SLC15A1: variants seen among roughly 807,000 people sequenced by gnomAD.
SLC15A1 encodes the protein solute carrier family 15 member 1.
In SLC15A1, 83 loss-of-function variants were observed where a neutral mutation model predicts 92.9. The observed-to-expected ratio is 0.89, with a 90% CI of 0.75 to 1.07. SLC15A1 has a LOEUF of 1.07. SLC15A1 is among the 50% of genes least tolerant of loss of function. The pLI is 0.00. For synonymous variants in SLC15A1, 322 were observed against 318.2 expected (o/e 1.01, Z -0.13); for missense variants, 857 against 880.1 (o/e 0.97, Z 0.33).
chr13:98,711,452 A>C (rs559910551), intron 11 of SLC15A1, among the ~76,000 whole-genome samples: 98 of 152,304 alleles, frequency 6.4e-4, no homozygotes, highest in Non-Finnish European at 1.0e-3. Context: ...ACAGTGGAAG[A>C]GATCAAGTCC....
chr13:98,684,932 G>A lies in SLC15A1; in HGVS notation c.1936-17C>T. The A allele has an allele frequency of 6.3e-7, 1 of 1,599,822 alleles. No homozygotes were observed. Among genetic ancestry groups the A allele is most frequent in the South Asian group, 1.1e-5 (1 of 89,638 alleles). On this transcript the variant is annotated splice_polypyrimidine_tract_variant and intron_variant, in intron 22 of 22. Coordinates refer to ENST00000376503, the MANE Select transcript of SLC15A1 (RefSeq NM_005073.4). ...CTCGGCCCACTTTGAAGAAATCAGAGTTGGAGCAGGAAAAAGAACAAAAAT... is the reference window on the plus strand; with the variant it reads ...CTCGGCCCACTTTGAAGAAATCAGAATTGGAGCAGGAAAAAGAACAAAAAT...
chr13:98,690,310 G>A (rs904558441), intron 18 of SLC15A1, among the ~76,000 whole-genome samples: 1 of 152,158 alleles, frequency 6.6e-6, no homozygotes, highest in Non-Finnish European at 1.5e-5. Context: ...GAAGTCCCGA[G>A]GCCTTCTACT....
chr13:98,726,053 C>G (rs1216444627), intron 4 of SLC15A1, 70 bp downstream of exon 4: 156 of 1,563,730 alleles, frequency 1.0e-4, no homozygotes, highest in Non-Finnish European at 1.3e-4. Flanking sequence ...CCAGATTCCA[C>G]CATTCCCAAC....
intron 18 of SLC15A1, among the ~76,000 whole-genome samples, chr13:98,690,070 A>G (rs1391408597): frequency 1.3e-5 from 2 of 152,216 alleles, no homozygotes; most frequent in South Asian, 2.1e-4. Flanking sequence ...GTTGCTCAAA[A>G]TAAGACCAGT....
intron 18 of SLC15A1, among the ~76,000 whole-genome samples, chr13:98,698,215 T>C (rs1369519111): frequency 3.3e-5 from 5 of 152,212 alleles, no homozygotes; most frequent in Non-Finnish European, 7.3e-5. Context: ...TAAAGTAACA[T>C]TTTCTCTTGC....
intron 1 of SLC15A1, among the ~76,000 whole-genome samples, chr13:98,741,182 G>A (rs1267588715): frequency 2.6e-5 from 4 of 152,202 alleles, no homozygotes; most frequent in African/African-American, 7.2e-5. Context: ...ATCAGAAAAA[G>A]TGTCCCTGAT....
At chr13:98,692,071 C>T (rs1445381501) in intron 18 of SLC15A1, among the ~76,000 whole-genome samples, 2 of 148,046 alleles carry the variant, frequency 1.4e-5, no homozygotes, top group Non-Finnish European at 3.0e-5. Context: ...GAAACTCCAT[C>T]TCAAAAAGAA....
At chr13:98,714,674 A>G (rs1235680286) in intron 9 of SLC15A1, among the ~76,000 whole-genome samples, 2 of 143,590 alleles carry the variant, frequency 1.4e-5, no homozygotes, top group Non-Finnish European at 3.1e-5. Flanking sequence ...AAAAAAAAAG[A>G]AATGAAATAT....
chr13:98,748,705 A>T (rs969044380), intron 1 of SLC15A1, among the ~76,000 whole-genome samples: 1 of 152,072 alleles, frequency 6.6e-6, no homozygotes, highest in Non-Finnish European at 1.5e-5. Context: ...CAGGGCCCAG[A>T]CTGTACTAGA....
intron 22 of SLC15A1, among the ~76,000 whole-genome samples, chr13:98,685,977 T>C (rs1284157876): frequency 7.2e-6 from 1 of 138,246 alleles, no homozygotes; most frequent in African/African-American, 2.9e-5. Context: ...AGAGTGAGAC[T>C]CCGTCTCAAA....
intron 4 of SLC15A1, among the ~76,000 whole-genome samples, chr13:98,725,612 A>C (rs972603617): frequency 6.6e-6 from 1 of 152,252 alleles, no homozygotes; most frequent in Non-Finnish European, 1.5e-5. Flanking sequence ...AGGGAAAAAC[A>C]AAAACCTATA....
intron 1 of SLC15A1, among the ~76,000 whole-genome samples, chr13:98,733,851 C>T (rs1348247541): frequency 6.6e-6 from 1 of 152,164 alleles, no homozygotes; most frequent in Non-Finnish European, 1.5e-5. Context: ...AAATGTAATC[C>T]CCAAAGCTGG....
intron 3 of SLC15A1, 41 bp downstream of exon 3, chr13:98,726,327 C>T: frequency 6.2e-7 from 1 of 1,613,928 alleles, no homozygotes; most frequent in South Asian, 1.1e-5. Flanking sequence ...ATGGCCACTC[C>T]CGCTCTTCCC....
intron 1 of SLC15A1, 122 bp from the exon 2 acceptor site, chr13:98,726,981 G>C: frequency 1.2e-6 from 1 of 835,202 alleles, no homozygotes; most frequent in Non-Finnish European, 2.0e-6. Flanking sequence ...AACAGCTCCA[G>C]CCCTCCCTGG....
chr13:98,746,618 A>C (rs1428558491), intron 1 of SLC15A1, among the ~76,000 whole-genome samples: 2 of 152,256 alleles, frequency 1.3e-5, no homozygotes, highest in Non-Finnish European at 2.9e-5. Context: ...TCTTGTCACT[A>C]GGGGCAGATT....
At chr13:98,713,434 G>C (rs1229078520) in intron 9 of SLC15A1, among the ~76,000 whole-genome samples, 2 of 152,046 alleles carry the variant, frequency 1.3e-5, no homozygotes, top group African/African-American at 2.4e-5. Context: ...GTTTGTGTTT[G>C]AAAAACCAGA....
chr13:98,694,469 A>G (rs1476611355), intron 18 of SLC15A1, among the ~76,000 whole-genome samples: 1 of 152,182 alleles, frequency 6.6e-6, no homozygotes, highest in Non-Finnish European at 1.5e-5. Context: ...TGCAGTTTAT[A>G]TATATAATTT....
chr13:98,708,653 G>C, intron 15 of SLC15A1, 33 bp downstream of exon 15: 1 of 1,583,570 alleles, frequency 6.3e-7, no homozygotes. Context: ...AATCCACCAG[G>C]AAAGGACATG....
intron 1 of SLC15A1, among the ~76,000 whole-genome samples, chr13:98,728,387 C>T (rs1337416669): frequency 2.0e-5 from 3 of 151,966 alleles, no homozygotes; most frequent in South Asian, 2.1e-4. Flanking sequence ...TGAAAGTTGT[C>T]GTTGGATCTT....
Sources: gnomAD v4.1 joint callset for allele counts (sites outside exome capture counted in the v4.1 genomes callset) on GRCh38, gnomAD v4.1.1 for gene constraint, MANE v1.5 for transcripts, NCBI Gene and HGNC (gene_info 2026-07-23, HGNC 2026-07-21) for gene names.